Variants in STX5 observed in about 807,000 individuals in gnomAD.
STX5 encodes the protein syntaxin-5.
In STX5, 15 loss-of-function variants were observed where a neutral mutation model predicts 42.9. The observed-to-expected ratio is 0.35, with a 90% CI of 0.23 to 0.54. STX5 has a LOEUF of 0.54. Among genes scored for constraint, STX5 ranks in the 20% least tolerant of loss-of-function variants. STX5 has a pLI of 0.91. For synonymous variants in STX5, 184 were observed against 173.2 expected (o/e 1.06, Z -0.49); for missense variants, 430 against 455.0 (o/e 0.95, Z 0.50).
In STX5 at chr11:62,812,073, C is replaced by CTTT. The variant is rs1192177705; in HGVS notation, c.909-4448_909-4446dup. Among the ~76,000 whole-genome samples the CTTT allele has an allele frequency of 7.8e-4, 89 of 113,806 alleles. 1 individual carries two copies. The highest frequency in any genetic ancestry group is 9.3e-4 in the Non-Finnish European group (51 of 55,082). 74.7% of individuals were successfully genotyped at this position (113,806 alleles called of 152,430 possible). A position where few individuals can be genotyped will look rare whatever the true frequency, so the allele number is the denominator to read the frequency against. On this transcript the variant is annotated intron_variant, in intron 10 of 10. Coordinates refer to ENST00000294179, the MANE Select transcript of STX5 (RefSeq NM_003164.5). ...TGGATTGAGGAAAGAACTCAAATAC[C>CTTT]TTTTTTTTTTTTTTTTTTTTTGAGA...
At chr11:62,813,946 T>C (rs1328898942) in intron 10 of STX5, among the ~76,000 whole-genome samples, 2 of 152,144 alleles carry the variant, frequency 1.3e-5, no homozygotes, top group Admixed American at 1.3e-4. Flanking sequence ...CCCATCTTTC[T>C]CCTATATTAT....
rs1273748012 is a variant in STX5, at chr11:62,824,540, T to C, written c.705A>G (p.Ala235=). The change falls in exon 9 of 11, where the codon GCA becomes GCG. Residue 235 remains alanine (A), a synonymous_variant. Coordinates refer to ENST00000294179, the MANE Select transcript of STX5 (RefSeq NM_003164.5). ...HLGGGAVVLG[A]ESHASKDVAI... ...CGACATCCTTGGAGGCATGGGACTC[T>C]GCCCCCAGAACCACAGCACCACCGC... 1.9e-6 allele frequency: 3 copies of C among 1,614,060 alleles called. No homozygotes were observed. In the East Asian group the frequency reaches 6.7e-5, roughly 36 times the overall value.
At chr11:62,824,646 G>T in intron 8 of STX5, 81 bp from the exon 9 acceptor site, 2 of 1,337,274 alleles carry the variant, frequency 1.5e-6, no homozygotes, top group Non-Finnish European at 2.1e-6. Flanking sequence ...TTGAATCCCA[G>T]CTCTAGCACT....
intron 2 of STX5, among the ~76,000 whole-genome samples, chr11:62,829,275 T>G (rs2084829671): frequency 6.8e-6 from 1 of 148,026 alleles, no homozygotes; most frequent in Non-Finnish European, 1.5e-5. Context: ...AAATACAAAA[T>G]TAGCCAGGCA....
chr11:62,808,811 G>T (rs1024308114), intron 10 of STX5, among the ~76,000 whole-genome samples: 5 of 152,098 alleles, frequency 3.3e-5, no homozygotes, highest in Admixed American at 6.5e-5. Context: ...CTCATCAAGT[G>T]CCTACTAATG....
At position 62,807,646 on chromosome 11, in the gene STX5, A is replaced by C. The variant is rs776693033; in HGVS notation, c.909-18T>G. The C allele has an allele frequency of 6.2e-7, 1 of 1,613,684 alleles. No homozygotes were observed. Among genetic ancestry groups the C allele is most frequent in the East Asian group, 2.2e-5 (1 of 44,882 alleles). On this transcript the variant is annotated intron_variant, in intron 10 of 10. Transcript: ENST00000294179. ...CGTCGATCCTGGGGACAAGGCCGGG[A>C]GAAGAGGAAACAAAAGGACACTGGA...
At chr11:62,820,213 A>G (rs2084725006) in intron 10 of STX5, among the ~76,000 whole-genome samples, 1 of 151,436 alleles carries the variant, frequency 6.6e-6, no homozygotes, top group Non-Finnish European at 1.5e-5. Flanking sequence ...TACTAAAAAT[A>G]CAAAAAAAAT....
At chr11:62,821,076 G>A (rs1046004198) in intron 10 of STX5, among the ~76,000 whole-genome samples, 5 of 151,854 alleles carry the variant, frequency 3.3e-5, no homozygotes, top group African/African-American at 4.8e-5. Context: ...CTGGGAGGCC[G>A]AGGCAGGCAG....
At chr11:62,817,856 C>T (rs1016864280) in intron 10 of STX5, among the ~76,000 whole-genome samples, 5 of 152,020 alleles carry the variant, frequency 3.3e-5, no homozygotes, top group Admixed American at 2.0e-4. Context: ...TTATATAAGA[C>T]ATGTACCTGG....
intron 10 of STX5, among the ~76,000 whole-genome samples, chr11:62,817,027 G>C (rs2084681464): frequency 6.6e-6 from 1 of 151,746 alleles, no homozygotes; most frequent in South Asian, 2.1e-4. Flanking sequence ...TGCAGTGGCG[G>C]GATCTCGGCT....
chr11:62,810,699 G>A, intron 10 of STX5, among the ~76,000 whole-genome samples: 1 of 152,180 alleles, frequency 6.6e-6, no homozygotes, highest in Non-Finnish European at 1.5e-5. Flanking sequence ...CCAAGAATCT[G>A]CATCCCAAAA....
chr11:62,823,379 G>T (rs2134843028), intron 10 of STX5, among the ~76,000 whole-genome samples: 1 of 151,818 alleles, frequency 6.6e-6, no homozygotes, highest in South Asian at 2.1e-4. Flanking sequence ...TCACCATGTT[G>T]CCCAGGCTGG....
chr11:62,827,117 A>G, intron 5 of STX5, 38 bp downstream of exon 5: 1 of 1,591,236 alleles, frequency 6.3e-7, no homozygotes, highest in Non-Finnish European at 8.6e-7. Flanking sequence ...AAGTGATCTG[A>G]TTGGAATGCT....
At chr11:62,823,567 A>C (rs555089055) in intron 10 of STX5, among the ~76,000 whole-genome samples, 9 of 152,088 alleles carry the variant, frequency 5.9e-5, no homozygotes, top group South Asian at 2.1e-4. Context: ...TTTTTTTGAC[A>C]CAGAATCTGG....
chr11:62,828,990 G>C (rs1334158971), intron 2 of STX5, among the ~76,000 whole-genome samples: 1 of 151,852 alleles, frequency 6.6e-6, no homozygotes, highest in East Asian at 1.9e-4. Flanking sequence ...CTTAAACCCA[G>C]AGGTGGAGGC....
chr11:62,820,657 C>G (rs1565211817), intron 10 of STX5, among the ~76,000 whole-genome samples: 3 of 151,560 alleles, frequency 2.0e-5, no homozygotes, highest in Non-Finnish European at 2.9e-5. Flanking sequence ...CGCAGGTACC[C>G]ACTACCACGC....
Position 62,830,085 on chromosome 11 carries a change from A to G in STX5, c.225+934T>C, listed in dbSNP as rs866316793. On this transcript the variant is annotated intron_variant, in intron 2 of 10. Coordinates refer to ENST00000294179, the MANE Select transcript of STX5 (RefSeq NM_003164.5). ...TTCTCAAAAAAAAAAAAAAAAAAAA[A>G]AGAGAGAGAGGAAGAGACTGGGCCT... Among the ~76,000 whole-genome samples, 148 of 146,146 alleles carry G rather than the reference A, an allele frequency of 1.0e-3. 2 individuals are homozygous for G. Among genetic ancestry groups the G allele is most frequent in the Middle Eastern group, 3.5e-3 (1 of 286 alleles).
chr11:62,815,203 T>C (rs1445501002), intron 10 of STX5, among the ~76,000 whole-genome samples: 4 of 152,052 alleles, frequency 2.6e-5, no homozygotes, highest in Non-Finnish European at 5.9e-5. Context: ...AGATGGGGTT[T>C]CACCATGTTG....
chr11:62,813,973 C>T (rs745364881), intron 10 of STX5, among the ~76,000 whole-genome samples: 2 of 151,974 alleles, frequency 1.3e-5, no homozygotes, highest in Non-Finnish European at 2.9e-5. Context: ...TAAATTTATC[C>T]GTTGCATCAT....
Sources: gnomAD v4.1 joint callset for allele counts (sites outside exome capture counted in the v4.1 genomes callset) on GRCh38, gnomAD v4.1.1 for gene constraint, MANE v1.5 for transcripts, NCBI Gene and HGNC (gene_info 2026-07-23, HGNC 2026-07-21) for gene names.